The following PLCB1 variants were observed in gnomAD, a reference collection of about 807,000 sequenced individuals.
PLCB1 encodes the protein 1-phosphatidylinositol 4,5-bisphosphate phosphodiesterase beta-1.
Under a neutral mutation model 161.8 loss-of-function variants are expected in PLCB1, and 46 were observed. That is an observed-to-expected ratio of 0.28 (90% CI 0.22 to 0.36). The LOEUF (loss-of-function observed/expected upper bound fraction) is 0.36, where lower values mean the gene tolerates loss of function less well. Ranked by LOEUF, PLCB1 falls within the 10% of genes least tolerant of loss-of-function variation. The pLI is 1.00. For synonymous variants in PLCB1, 517 were observed against 503.7 expected, an observed-to-expected ratio of 1.03 and a Z score of -0.35; for missense variants, 1,016 against 1,472.5, an observed-to-expected ratio of 0.69 and a Z score of 5.07.
intron 2 of PLCB1, among the ~76,000 whole-genome samples, chr20:8,247,725 G>C (rs1980951419): frequency 6.6e-6 from 1 of 151,640 alleles, no homozygotes; most frequent in Admixed American, 6.6e-5. Context: ...ACTCTCAAAA[G>C]CAAGGGCAGC....
chr20:8,280,291 C>T (rs1982808247), intron 2 of PLCB1, among the ~76,000 whole-genome samples: 1 of 148,418 alleles, frequency 6.7e-6, no homozygotes, highest in South Asian at 2.1e-4. Context: ...GCAGAGGTCA[C>T]ACAATTGCAC....
At chr20:8,660,614 T>C (rs1390454916) in intron 9 of PLCB1, among the ~76,000 whole-genome samples, 1 of 152,104 alleles carries the variant, frequency 6.6e-6, no homozygotes, top group Non-Finnish European at 1.5e-5. Context: ...GAAAAAATTG[T>C]GATAGATTAC....
At chr20:8,853,585 A>T (rs1986962060) in intron 31 of PLCB1, among the ~76,000 whole-genome samples, 1 of 152,212 alleles carries the variant, frequency 6.6e-6, no homozygotes, top group South Asian at 2.1e-4. Context: ...TACCCATTCC[A>T]CTGTTGATGG....
At chr20:8,278,263 TAAATATATTATATAA>T (rs1362660676) in intron 2 of PLCB1, among the ~76,000 whole-genome samples, 13 of 144,324 alleles carry the variant, frequency 9.0e-5, no homozygotes, top group Admixed American at 7.0e-4. Flanking sequence ...ATCATATATA[TAAATATATTATATAA>T]ATATATATTT....
intron 19 of PLCB1, among the ~76,000 whole-genome samples, chr20:8,733,640 G>C (rs1600284456): frequency 6.7e-6 from 1 of 149,934 alleles, no homozygotes; most frequent in Non-Finnish European, 1.5e-5. Flanking sequence ...GGACTGTTGT[G>C]GGGTGGGGGG....
intron 23 of PLCB1, among the ~76,000 whole-genome samples, chr20:8,742,209 A>T (rs1437255186): frequency 1.3e-5 from 2 of 152,048 alleles, no homozygotes; most frequent in African/African-American, 2.4e-5. Flanking sequence ...TTTTGCTTTT[A>T]AAAAAAGTGA....
chr20:8,256,405 T>C (rs1981418959), intron 2 of PLCB1, among the ~76,000 whole-genome samples: 1 of 152,070 alleles, frequency 6.6e-6, no homozygotes, highest in African/African-American at 2.4e-5. Context: ...TCCTCTACCC[T>C]GGTCCTCTCT....
intron 27 of PLCB1, among the ~76,000 whole-genome samples, chr20:8,781,703 A>G (rs2146212101): frequency 6.6e-6 from 1 of 152,286 alleles, no homozygotes; most frequent in African/African-American, 2.4e-5. Flanking sequence ...ATAGTTTCAC[A>G]TGGCTGGGGA....
intron 2 of PLCB1, among the ~76,000 whole-genome samples, chr20:8,182,735 C>A (rs148759848): frequency 0.05 from 7,636 of 152,038 alleles, 230 homozygotes; most frequent in Middle Eastern, 0.13. Flanking sequence ...CGCCCGCAAC[C>A]ATGCCCGGCT....
At chr20:8,476,981 T>C (rs1413907402) in intron 3 of PLCB1, among the ~76,000 whole-genome samples, 1 of 152,184 alleles carries the variant, frequency 6.6e-6, no homozygotes, top group Non-Finnish European at 1.5e-5. Flanking sequence ...GAAAAGGATT[T>C]TTTTCAGGAA....
intron 31 of PLCB1, among the ~76,000 whole-genome samples, chr20:8,823,186 A>C (rs1411971330): frequency 1.3e-5 from 2 of 152,152 alleles, no homozygotes; most frequent in East Asian, 1.9e-4. Context: ...ACAGTGACGC[A>C]ATCTAGGCTC....
intron 2 of PLCB1, among the ~76,000 whole-genome samples, chr20:8,278,436 T>G (rs568184153): frequency 6.6e-6 from 1 of 150,808 alleles, no homozygotes; most frequent in African/African-American, 2.4e-5. Context: ...ATTAAGTATC[T>G]GTGATACATG....
intron 23 of PLCB1, among the ~76,000 whole-genome samples, chr20:8,746,688 C>T (rs1037159755): frequency 1.3e-5 from 2 of 152,096 alleles, no homozygotes; most frequent in African/African-American, 4.8e-5. Flanking sequence ...TTAAAACCTC[C>T]GGATGTCCTA....
chr20:8,823,145 CAG>C (rs1326535403), intron 31 of PLCB1, among the ~76,000 whole-genome samples: 12 of 152,106 alleles, frequency 7.9e-5, no homozygotes, highest in Non-Finnish European at 1.3e-4. Flanking sequence ...TTTTTTGAGA[CAG>C]AGTCTTGCTC....
intron 2 of PLCB1, among the ~76,000 whole-genome samples, chr20:8,349,249 A>G (rs1271348508): frequency 6.6e-6 from 1 of 152,212 alleles, no homozygotes. Context: ...GAAAGATTAG[A>G]CAGGTGACAA....
intron 3 of PLCB1, among the ~76,000 whole-genome samples, chr20:8,539,925 A>G (rs1018859514): frequency 6.6e-6 from 1 of 152,026 alleles, no homozygotes; most frequent in East Asian, 1.9e-4. Flanking sequence ...ATGGCTTTCT[A>G]TGTCTTAGCA....
chr20:8,141,376 C>A (rs1311498465), intron 1 of PLCB1, among the ~76,000 whole-genome samples: 1 of 152,142 alleles, frequency 6.6e-6, no homozygotes, highest in East Asian at 1.9e-4. Flanking sequence ...GTAATCCCAG[C>A]ATATTGGGAA....
chr20:8,300,526 TG>T (rs1983854595), intron 2 of PLCB1, among the ~76,000 whole-genome samples: 1 of 152,020 alleles, frequency 6.6e-6, no homozygotes, highest in Admixed American at 6.5e-5. Flanking sequence ...CATAGCCATT[TG>T]TTTGGAAGTG....
intron 31 of PLCB1, among the ~76,000 whole-genome samples, chr20:8,794,850 T>G (rs2146229270): frequency 6.6e-6 from 1 of 152,296 alleles, no homozygotes; most frequent in South Asian, 2.1e-4. Flanking sequence ...CAAAAGAAAT[T>G]TGAAAAGCCA....
Sources: gnomAD v4.1 joint callset for allele counts (sites outside exome capture counted in the v4.1 genomes callset) on GRCh38, gnomAD v4.1.1 for gene constraint, MANE v1.5 for transcripts, NCBI Gene and HGNC (gene_info 2026-07-23, HGNC 2026-07-21) for gene names.